TMEM232: variants seen among roughly 807,000 people sequenced by gnomAD.
TMEM232 encodes transmembrane protein 232.
Under a neutral mutation model 78.8 loss-of-function variants are expected in TMEM232, and 80 were observed. That is an observed-to-expected ratio of 1.01 (90% confidence interval 0.85 to 1.22). TMEM232 has a LOEUF of 1.22. TMEM232 is among the 50% of genes most tolerant of loss of function. The pLI, the probability that TMEM232 is intolerant of heterozygous loss-of-function variation, is 0.00. For missense variants in TMEM232, 881 were observed against 742.2 expected (o/e 1.19, Z -2.17); for synonymous variants, 297 against 254.3 (o/e 1.17, Z -1.60).
chr5:110,425,781 C>A (rs915875081), intron 12 of TMEM232, among the ~76,000 whole-genome samples: 3 of 152,082 alleles, frequency 2.0e-5, no homozygotes, highest in Non-Finnish European at 4.4e-5. Context: ...GTTCAGAATT[C>A]CTGCATCCAT....
At chr5:110,675,320 C>A (rs1429246340) in intron 1 of TMEM232, among the ~76,000 whole-genome samples, 1 of 152,122 alleles carries the variant, frequency 6.6e-6, no homozygotes, top group Non-Finnish European at 1.5e-5. Flanking sequence ...GCTGGGATTA[C>A]AGGCATGAGC....
downstream of TMEM232, among the ~76,000 whole-genome samples, chr5:110,417,286 T>C (rs974218811): frequency 1.3e-5 from 2 of 152,172 alleles, no homozygotes; most frequent in African/African-American, 4.8e-5. Flanking sequence ...TAAACAGACA[T>C]GTAGAATCTT....
intron 11 of TMEM232, among the ~76,000 whole-genome samples, chr5:110,542,160 C>T (rs1227131630): frequency 2.6e-5 from 4 of 152,134 alleles, no homozygotes; most frequent in East Asian, 1.9e-4. Flanking sequence ...GTTTAGAAGA[C>T]AGCCAAAAGA....
chr5:110,675,126 A>AC (rs1288823004), intron 1 of TMEM232, among the ~76,000 whole-genome samples: 2 of 151,958 alleles, frequency 1.3e-5, no homozygotes, highest in East Asian at 1.9e-4. Flanking sequence ...GCTCACTGCA[A>AC]CCTCCACCTC....
intron 1 of TMEM232, among the ~76,000 whole-genome samples, chr5:110,688,140 T>G (rs1793659349): frequency 1.3e-5 from 2 of 151,882 alleles, no homozygotes; most frequent in Non-Finnish European, 2.9e-5. Context: ...TAGTCTTGCT[T>G]TGACAATTAA....
intron 1 of TMEM232, among the ~76,000 whole-genome samples, chr5:110,688,473 G>A (rs966939451): frequency 2.6e-5 from 4 of 152,212 alleles, no homozygotes; most frequent in Non-Finnish European, 5.9e-5. Context: ...TTCCTCTGTT[G>A]GAGTAGCACT....
intron 12 of TMEM232, among the ~76,000 whole-genome samples, chr5:110,452,528 G>A (rs943941285): frequency 1.2e-4 from 16 of 137,776 alleles, no homozygotes; most frequent in African/African-American, 3.2e-4. Context: ...AGGCAATGAT[G>A]ACCCATGAGG....
intron 12 of TMEM232, among the ~76,000 whole-genome samples, chr5:110,475,843 T>G (rs1169039237): frequency 6.6e-6 from 1 of 151,792 alleles, no homozygotes; most frequent in Non-Finnish European, 1.5e-5. Flanking sequence ...CAGCAAACAA[T>G]CCTTGAGGTT....
At chr5:110,597,997 G>A (rs1780395393) in intron 10 of TMEM232, among the ~76,000 whole-genome samples, 1 of 152,166 alleles carries the variant, frequency 6.6e-6, no homozygotes, top group Non-Finnish European at 1.5e-5. Flanking sequence ...GGCAACAGAA[G>A]CCAAAATTGA....
intron 1 of TMEM232, among the ~76,000 whole-genome samples, chr5:110,724,834 A>C (rs1018187102): frequency 1.3e-5 from 2 of 152,212 alleles, no homozygotes; most frequent in African/African-American, 4.8e-5. Context: ...CTACATAATA[A>C]ATATTATAAT....
At chr5:110,395,664 C>A (rs189663718) in intron 3 of TMEM232, among the ~76,000 whole-genome samples, 2 of 152,252 alleles carry the variant, frequency 1.3e-5, no homozygotes, top group East Asian at 3.9e-4. Flanking sequence ...CTCTTTATAG[C>A]ATTCTACATC....
intron 2 of TMEM232, among the ~76,000 whole-genome samples, chr5:110,656,483 T>C (rs1789075097): frequency 6.6e-6 from 1 of 152,132 alleles, no homozygotes; most frequent in Non-Finnish European, 1.5e-5. Flanking sequence ...TATCAAAGAA[T>C]ACATTAAAGA....
intron 5 of TMEM232, among the ~76,000 whole-genome samples, chr5:110,631,228 C>T (rs534309198): frequency 6.6e-6 from 1 of 152,172 alleles, no homozygotes; most frequent in African/African-American, 2.4e-5. Context: ...AGCGCATTAA[C>T]ATGGCAGTCC....
chr5:110,589,311 C>T (rs1029421796), intron 10 of TMEM232, among the ~76,000 whole-genome samples: 6 of 152,106 alleles, frequency 3.9e-5, no homozygotes, highest in African/African-American at 1.4e-4. Flanking sequence ...CTGGACCCCA[C>T]CTTTTAAAAA....
At chr5:110,682,887 A>ATTTGGC (rs533592864) in intron 1 of TMEM232, among the ~76,000 whole-genome samples, 5 of 151,982 alleles carry the variant, frequency 3.3e-5, no homozygotes, top group Non-Finnish European at 7.4e-5. Context: ...CTCCTAGGAC[A>ATTTGGC]TTTGGCTTTT....
intron 2 of TMEM232, 59 bp downstream of exon 2, chr5:110,667,169 T>G (rs376121710): frequency 1.5e-6 from 2 of 1,364,594 alleles, no homozygotes; most frequent in African/African-American, 3.1e-5. Flanking sequence ...TTTTCAGTTT[T>G]CTATATTTTC....
intron 11 of TMEM232, among the ~76,000 whole-genome samples, chr5:110,554,942 G>A (rs933393061): frequency 1.3e-5 from 2 of 151,956 alleles, no homozygotes; most frequent in African/African-American, 4.8e-5. Context: ...TAGTTTGTGC[G>A]CATAGAGGTT....
intron 12 of TMEM232, among the ~76,000 whole-genome samples, chr5:110,462,907 T>G (rs577006438): frequency 6.6e-6 from 1 of 152,008 alleles, no homozygotes; most frequent in East Asian, 1.9e-4. Context: ...ATATGTGGAG[T>G]TGCTTCTTAT....
chr5:110,466,527 G>A (rs912820763), intron 12 of TMEM232, among the ~76,000 whole-genome samples: 1 of 151,638 alleles, frequency 6.6e-6, no homozygotes, highest in African/African-American at 2.4e-5. Context: ...TAACTTTATT[G>A]CACAGGGACT....
Sources: allele counts gnomAD v4.1 joint callset (sites outside exome capture counted in the v4.1 genomes callset), GRCh38; gene constraint gnomAD v4.1.1; transcripts MANE v1.5; gene names NCBI Gene and HGNC (gene_info 2026-07-23, HGNC 2026-07-21).